Variants in RBFOX1 observed in about 807,000 individuals in gnomAD.
The protein encoded by RBFOX1 is RNA binding protein fox-1 homolog 1.
In RBFOX1, 8 loss-of-function variants were observed where a neutral mutation model predicts 57.7. The ratio of observed to expected loss-of-function variants is 0.14; its 90% CI spans 0.08 to 0.25. RBFOX1 has a LOEUF of 0.25. Ranked by LOEUF, RBFOX1 falls within the 10% of genes least tolerant of loss-of-function variation. The probability of loss-of-function intolerance (pLI) is 1.00; values close to 1 mark genes in which losing one functional copy is unlikely to be tolerated. For synonymous variants in RBFOX1, 326 were observed against 222.4 expected, an observed-to-expected ratio of 1.47 and a Z score of -4.15; for missense variants, 611 against 548.5, an observed-to-expected ratio of 1.11 and a Z score of -1.14.
intron 1 of RBFOX1, among the ~76,000 whole-genome samples, chr16:6,210,361 C>CAAAAAAAAAAAAAAAAAA (rs3064933): frequency 8.1e-5 from 5 of 61,448 alleles, no homozygotes; most frequent in Admixed American, 2.4e-4. Context: ...AAAAAAACAC[C>CAAAAAAAAAAAAAAAAAA]AAAAAAAAAA....
At chr16:6,058,645 T>C (rs1906061) in intron 1 of RBFOX1, among the ~76,000 whole-genome samples, 76,858 of 143,820 alleles carry the variant, frequency 0.53, 21,001 homozygotes, top group Non-Finnish European at 0.6. Context: ...CATCCACCCA[T>C]CCATCCACCC....
chr16:6,703,131 A>G (rs2062115473), intron 3 of RBFOX1, among the ~76,000 whole-genome samples: 1 of 152,170 alleles, frequency 6.6e-6, no homozygotes, highest in Admixed American at 6.6e-5. Flanking sequence ...GTGAGAATAT[A>G]TCATGTTTTG....
At chr16:5,685,719 AG>A (rs1177430790) in intron 3 of RBFOX1, among the ~76,000 whole-genome samples, 1 of 152,082 alleles carries the variant, frequency 6.6e-6, no homozygotes, top group Non-Finnish European at 1.5e-5. Context: ...AGGTGAGGAG[AG>A]GGTGGTGCCT....
At chr16:6,530,128 T>C (rs2096636377) in intron 2 of RBFOX1, among the ~76,000 whole-genome samples, 1 of 152,196 alleles carries the variant, frequency 6.6e-6, no homozygotes, top group African/African-American at 2.4e-5. Flanking sequence ...TGTGGTGTTT[T>C]TCTTTCCTCC....
At chr16:5,916,032 C>G (rs992160117) in intron 4 of RBFOX1, among the ~76,000 whole-genome samples, 1 of 152,236 alleles carries the variant, frequency 6.6e-6, no homozygotes, top group African/African-American at 2.4e-5. Flanking sequence ...CTAGTAATGC[C>G]TGTCCCCTGG....
rs148654375 is a variant in RBFOX1, at chr16:6,489,084, G to A, written c.-63-165519G>A. On this transcript the variant is annotated intron_variant, in intron 2 of 15. Transcript: ENST00000550418. ...ACATCTTTCTTTATAAATATGGCATGGGTCGTTGTGATTTAAAGTGCCCTA... is the reference window on the plus strand; with the variant it reads ...ACATCTTTCTTTATAAATATGGCATAGGTCGTTGTGATTTAAAGTGCCCTA... 1.4e-3 allele frequency among the ~76,000 whole-genome samples: 214 copies of A among 152,218 alleles called. 1 individual carries two copies. Among genetic ancestry groups the A allele is most frequent in the Middle Eastern group, 3.4e-3 (1 of 294 alleles).
chr16:7,169,488 C>T (rs2080248579), intron 4 of RBFOX1, among the ~76,000 whole-genome samples: 1 of 152,194 alleles, frequency 6.6e-6, no homozygotes, highest in Admixed American at 6.5e-5. Flanking sequence ...AGTTGTCACA[C>T]TGAGAAATGT....
intron 1 of RBFOX1, among the ~76,000 whole-genome samples, chr16:6,234,486 C>G (rs1341510477): frequency 6.6e-6 from 1 of 152,072 alleles, no homozygotes; most frequent in Admixed American, 6.6e-5. Context: ...CAGCAGCATT[C>G]AGAAATAGTT....
chr16:7,422,262 G>A (rs554744449), intron 4 of RBFOX1, among the ~76,000 whole-genome samples: 9 of 152,254 alleles, frequency 5.9e-5, no homozygotes, highest in African/African-American at 2.2e-4. Flanking sequence ...CAGCCCTATT[G>A]TTTTAGATTT....
intron 1 of RBFOX1, among the ~76,000 whole-genome samples, chr16:6,096,780 T>G (rs895692163): frequency 6.6e-6 from 1 of 152,212 alleles, no homozygotes; most frequent in Non-Finnish European, 1.5e-5. Flanking sequence ...ATACCCTTGA[T>G]TATCTACCCT....
At chr16:5,417,986 C>A (rs1469487936) in intron 1 of RBFOX1, among the ~76,000 whole-genome samples, 2 of 152,082 alleles carry the variant, frequency 1.3e-5, no homozygotes, top group African/African-American at 4.8e-5. Flanking sequence ...GAGTCTGAGG[C>A]AGAAGAATCA....
rs184356879 is a variant in RBFOX1 at position 5,874,822 on chromosome 16, G to C, written c.351+7487G>C. ...TAGCCAGGCAATGTGGTGCACACCT[G>C]TAATCTTGGCTGCTCAGGAGGCTGA... On this transcript the variant is annotated intron_variant, in intron 4 of 19. Transcript: ENST00000641259. Among the ~76,000 whole-genome samples the C allele has an allele frequency of 5.3e-5, 8 of 152,240 alleles. No individual in the cohort carries two copies. The East Asian group carries it at 1.4e-3, about 26-fold the overall frequency.
intron 2 of RBFOX1, among the ~76,000 whole-genome samples, chr16:6,653,768 G>A (rs1161840888): frequency 6.6e-6 from 1 of 151,766 alleles, no homozygotes; most frequent in African/African-American, 2.4e-5. Flanking sequence ...ATGAATGGGT[G>A]GATGGATGGA....
At chr16:7,269,961 A>G (rs1015693892) in intron 4 of RBFOX1, among the ~76,000 whole-genome samples, 1 of 152,216 alleles carries the variant, frequency 6.6e-6, no homozygotes, top group Admixed American at 6.5e-5. Context: ...ATAGGTAAAA[A>G]TTGGTATTGC....
At chr16:7,292,395 AAT>A (rs1456153233) in intron 4 of RBFOX1, among the ~76,000 whole-genome samples, 2 of 141,380 alleles carry the variant, frequency 1.4e-5, no homozygotes, top group East Asian at 4.0e-4. Context: ...CATGATATAT[AAT>A]ATGTAATGTA....
At chr16:7,194,904 G>T (rs905645249) in intron 4 of RBFOX1, among the ~76,000 whole-genome samples, 12 of 140,998 alleles carry the variant, frequency 8.5e-5, no homozygotes, top group Admixed American at 3.0e-4. Flanking sequence ...CTCCAGCTTG[G>T]GCTACAAAAT....
At chr16:5,269,314 G>A (rs576175504) in intron 1 of RBFOX1, among the ~76,000 whole-genome samples, 1 of 152,352 alleles carries the variant, frequency 6.6e-6, no homozygotes, top group Admixed American at 6.5e-5. Context: ...ATTTCATTGA[G>A]CATCTTTTCA....
chr16:7,332,800 T>G (rs576103636), intron 4 of RBFOX1: 5 of 1,402,054 alleles, frequency 3.6e-6, no homozygotes, highest in Non-Finnish European at 4.6e-6. Context: ...CTCTTCGTCG[T>G]CTGGGAAGAA....
intron 2 of RBFOX1, among the ~76,000 whole-genome samples, chr16:6,530,473 ATTCT>A (rs1434669535): frequency 6.6e-6 from 1 of 152,158 alleles, no homozygotes; most frequent in African/African-American, 2.4e-5. Context: ...AAATATTCAA[ATTCT>A]TTCTTTCTCA....
Sources: gnomAD v4.1 joint callset for allele counts (sites outside exome capture counted in the v4.1 genomes callset) on GRCh38, gnomAD v4.1.1 for gene constraint, MANE v1.5 for transcripts, NCBI Gene and HGNC (gene_info 2026-07-23, HGNC 2026-07-21) for gene names.